The following PRRC1 variants were observed in gnomAD, a reference collection of about 807,000 sequenced individuals.
The protein encoded by PRRC1 is proline rich coiled-coil 1, also known as protein PRRC1.
Under a neutral mutation model 40.7 loss-of-function variants are expected in PRRC1, and 39 were observed. The observed-to-expected ratio is 0.96, with a 90% confidence interval of 0.74 to 1.25. The LOEUF (loss-of-function observed/expected upper bound fraction) is 1.25, where lower values mean the gene tolerates loss of function less well. Ranked by LOEUF, PRRC1 falls within the 50% of genes most tolerant of loss-of-function variation. The pLI, the probability that PRRC1 is intolerant of heterozygous loss-of-function variation, is 0.00. For synonymous variants in PRRC1, 175 were observed against 193.3 expected, an observed-to-expected ratio of 0.91 and a Z score of 0.79; for missense variants, 573 against 548.3, an observed-to-expected ratio of 1.05 and a Z score of -0.45.
Position 127,552,446 on chromosome 5 carries a change from G to A in PRRC1, c.*530G>A. On this transcript the variant is annotated 3_prime_UTR_variant, in exon 9 of 9. Transcript: ENST00000296666. ...TTGTCGGGAGATGTTCCACATTTCT[G>A]TGCATGTTTTCAGTAATATGGGCCA... 1 of 987,026 alleles carries A rather than the reference G, an allele frequency of 1.0e-6. No individual in the cohort carries two copies. The highest frequency in any genetic ancestry group is 1.2e-6 in the Non-Finnish European group (1 of 830,720). The allele number at this position is 987,026 out of a possible 1,614,324, so 61.1% of individuals were successfully genotyped here. A position where few individuals can be genotyped will look rare whatever the true frequency, so the allele number is the denominator to read the frequency against.
chr5:127,535,087 C>A (rs77693049), intron 6 of PRRC1, among the ~76,000 whole-genome samples: 1 of 151,668 alleles, frequency 6.6e-6, no homozygotes, highest in East Asian at 2.0e-4. Flanking sequence ...AGGGGAGATA[C>A]GATGGTTAGG....
chr5:127,541,186 G>A (rs1463740434), intron 7 of PRRC1, among the ~76,000 whole-genome samples: 2 of 152,120 alleles, frequency 1.3e-5, no homozygotes, highest in African/African-American at 2.4e-5. Context: ...TATTGATTTT[G>A]TGTATATTGA....
chr5:127,526,432 G>C (rs555851478), intron 3 of PRRC1, among the ~76,000 whole-genome samples, 186 bp from the exon 4 acceptor site: 4 of 152,188 alleles, frequency 2.6e-5, no homozygotes, highest in African/African-American at 9.6e-5. Context: ...ACTATATAAA[G>C]GGAAATAAAT....
intron 7 of PRRC1, among the ~76,000 whole-genome samples, chr5:127,546,998 TG>T (rs1395020734): frequency 6.6e-6 from 1 of 152,180 alleles, no homozygotes; most frequent in Non-Finnish European, 1.5e-5. Flanking sequence ...TTTACTTTGT[TG>T]TTTTTTTGAA....
chr5:127,525,260 T>C (rs1426737120), intron 3 of PRRC1, among the ~76,000 whole-genome samples: 7 of 152,244 alleles, frequency 4.6e-5, no homozygotes, highest in Non-Finnish European at 8.8e-5. Context: ...ACGTGGTCTT[T>C]TGTGACTGGC....
chr5:127,523,414 CT>C (rs1457116551), intron 1 of PRRC1, 45 bp from the exon 2 acceptor site: 2 of 858,452 alleles, frequency 2.3e-6, no homozygotes, highest in Non-Finnish European at 3.5e-6. Context: ...TAAAAATATA[CT>C]TTTGGTTACT....
chr5:127,519,808 T>TGA (rs1339448537), intron 1 of PRRC1, among the ~76,000 whole-genome samples: 4 of 152,246 alleles, frequency 2.6e-5, no homozygotes, highest in African/African-American at 9.6e-5. Flanking sequence ...ACTTAGATGT[T>TGA]TGTTTCAAGG....
intron 3 of PRRC1, 48 bp downstream of exon 3, chr5:127,524,968 TA>T: frequency 1.4e-6 from 2 of 1,481,028 alleles, no homozygotes; most frequent in Non-Finnish European, 1.8e-6. Flanking sequence ...ATTAATGTTT[TA>T]TTCTTTTTTA....
At chr5:127,543,692 T>C (rs1204370374) in intron 7 of PRRC1, among the ~76,000 whole-genome samples, 4 of 152,220 alleles carry the variant, frequency 2.6e-5, no homozygotes, top group Admixed American at 2.0e-4. Context: ...GCATTCTTCA[T>C]GTAGTTCTCG....
chr5:127,519,502 A>T (rs1426325916), intron 1 of PRRC1, among the ~76,000 whole-genome samples: 2 of 152,196 alleles, frequency 1.3e-5, no homozygotes, highest in Non-Finnish European at 2.9e-5. Context: ...AACTTCTCAG[A>T]TAGTATCCTA....
At chr5:127,547,203 C>T (rs1049820814) in intron 7 of PRRC1, among the ~76,000 whole-genome samples, 3 of 151,922 alleles carry the variant, frequency 2.0e-5, no homozygotes, top group African/African-American at 7.2e-5. Flanking sequence ...TCAATAAAGT[C>T]ATTTTTAAAA....
chr5:127,553,381 A>G lies in PRRC1; in HGVS notation c.*1465A>G. 2.9e-6 allele frequency: 3 copies of G among 1,020,272 alleles called. No homozygotes were observed. The highest frequency in any genetic ancestry group is 3.5e-6 in the Non-Finnish European group (3 of 853,622). 63.2% of individuals were successfully genotyped at this position (1,020,272 alleles called of 1,614,324 possible). Reference sequence around the variant, plus strand: ...GCACTGTATAATGACTGTTCAGTGAATATCAGACTTCCGTGTCATTAAAAG... The same window carrying G: ...GCACTGTATAATGACTGTTCAGTGAGTATCAGACTTCCGTGTCATTAAAAG... On this transcript the variant is annotated 3_prime_UTR_variant, in exon 9 of 9. Coordinates refer to ENST00000296666, the MANE Select transcript of PRRC1 (RefSeq NM_130809.5).
chr5:127,547,411 A>T (rs1393203904), intron 7 of PRRC1, among the ~76,000 whole-genome samples: 2 of 152,066 alleles, frequency 1.3e-5, no homozygotes, highest in Non-Finnish European at 1.5e-5. Flanking sequence ...AGTTGAGTAC[A>T]TATTCATGAT....
intron 5 of PRRC1, among the ~76,000 whole-genome samples, chr5:127,532,881 G>C (rs146805096): frequency 0.014 from 2,122 of 152,242 alleles, 15 homozygotes; most frequent in Non-Finnish European, 0.022. Context: ...GCTGTGTTTA[G>C]AACAAGGGCT....
At chr5:127,528,722 A>AT (rs985357918) in intron 4 of PRRC1, among the ~76,000 whole-genome samples, 3 of 151,950 alleles carry the variant, frequency 2.0e-5, no homozygotes, top group Non-Finnish European at 4.4e-5. Context: ...TTAATGTTTA[A>AT]TTTTTTAGAC....
At chr5:127,536,307 A>G (rs1009233913) in intron 6 of PRRC1, among the ~76,000 whole-genome samples, 4 of 150,194 alleles carry the variant, frequency 2.7e-5, no homozygotes, top group Middle Eastern at 3.4e-3. Flanking sequence ...GAAAAAAAAA[A>G]TACAGCAAAT....
chr5:127,532,211 C>T (rs781765009), intron 5 of PRRC1, among the ~76,000 whole-genome samples: 3 of 151,388 alleles, frequency 2.0e-5, no homozygotes, highest in Non-Finnish European at 2.9e-5. Flanking sequence ...TGAGTTCAAG[C>T]GATTCTCCTA....
At chr5:127,534,123 A>G (rs985688364) in intron 6 of PRRC1, among the ~76,000 whole-genome samples, 2 of 152,274 alleles carry the variant, frequency 1.3e-5, no homozygotes, top group East Asian at 3.9e-4. Context: ...AGCTTTTATT[A>G]TCCCTATTGA....
At chr5:127,519,722 T>G (rs1767410158) in intron 1 of PRRC1, among the ~76,000 whole-genome samples, 1 of 152,240 alleles carries the variant, frequency 6.6e-6, no homozygotes, top group Non-Finnish European at 1.5e-5. Context: ...TCTCAAAACA[T>G]GACGTTAGAC....
Sources: gnomAD v4.1 joint callset for allele counts (sites outside exome capture counted in the v4.1 genomes callset) on GRCh38, gnomAD v4.1.1 for gene constraint, MANE v1.5 for transcripts, NCBI Gene and HGNC (gene_info 2026-07-23, HGNC 2026-07-21) for gene names.